The following GRIA1 variants were observed in gnomAD, a reference collection of about 807,000 sequenced individuals.
GRIA1 encodes glutamate receptor 1.
In GRIA1, 31 loss-of-function variants were observed where a neutral mutation model predicts 99.2. The observed-to-expected ratio is 0.31, with a 90% CI of 0.23 to 0.42. The LOEUF is 0.42. Ranked by LOEUF, GRIA1 falls within the 10% of genes least tolerant of loss-of-function variation. The probability of loss-of-function intolerance (pLI) is 1.00; values close to 1 mark genes in which losing one functional copy is unlikely to be tolerated. For synonymous variants in GRIA1, 438 were observed against 432.4 expected (o/e 1.01, Z -0.16); for missense variants, 782 against 1,157.5 (o/e 0.68, Z 4.71).
chr5:153,686,107 C>G, intron 7 of GRIA1, 118 bp from the exon 8 acceptor site: 1 of 774,316 alleles, frequency 1.3e-6, no homozygotes, highest in Non-Finnish European at 2.3e-6. Context: ...ATTCAGGATA[C>G]TCCAAGACAT....
intron 3 of GRIA1, among the ~76,000 whole-genome samples, chr5:153,648,954 T>TA (rs1296963350): frequency 1.3e-5 from 2 of 152,196 alleles, no homozygotes; most frequent in Non-Finnish European, 2.9e-5. Flanking sequence ...TATTGACCTT[T>TA]AATAGGGTAA....
intron 2 of GRIA1, among the ~76,000 whole-genome samples, chr5:153,624,233 A>G (rs939799184): frequency 5.3e-5 from 8 of 152,244 alleles, no homozygotes; most frequent in African/African-American, 1.7e-4. Context: ...GGTCAGAGCT[A>G]TTTGCCATCT....
chr5:153,532,893 G>A (rs1189529345), intron 2 of GRIA1, among the ~76,000 whole-genome samples: 1 of 152,150 alleles, frequency 6.6e-6, no homozygotes, highest in African/African-American at 2.4e-5. Flanking sequence ...CTCTGCATAG[G>A]TGTATGGCAA....
At chr5:153,708,394 A>T (rs2149524184) in intron 11 of GRIA1, among the ~76,000 whole-genome samples, 1 of 152,138 alleles carries the variant, frequency 6.6e-6, no homozygotes, top group South Asian at 2.1e-4. Context: ...CGGACTTCTG[A>T]GGGTTCCACT....
At chr5:153,558,919 T>C (rs1015728448) in intron 2 of GRIA1, among the ~76,000 whole-genome samples, 1 of 152,172 alleles carries the variant, frequency 6.6e-6, no homozygotes, top group Non-Finnish European at 1.5e-5. Context: ...TGTTGGGTTC[T>C]TTAAGCTCTG....
At chr5:153,529,936 C>T (rs1023463208) in intron 2 of GRIA1, among the ~76,000 whole-genome samples, 1 of 152,136 alleles carries the variant, frequency 6.6e-6, no homozygotes, top group Non-Finnish European at 1.5e-5. Context: ...ACCCTGTTCC[C>T]TCATTTTCGA....
chr5:153,524,760 C>A (rs1398970326), intron 2 of GRIA1, among the ~76,000 whole-genome samples: 1 of 152,238 alleles, frequency 6.6e-6, no homozygotes, highest in East Asian at 1.9e-4. Context: ...GGGATTTGTA[C>A]CTTCTTGGCC....
chr5:153,802,328 C>G, intron 14 of GRIA1, 28 bp from the exon 15 acceptor site: 2 of 1,611,672 alleles, frequency 1.2e-6, no homozygotes, highest in African/African-American at 1.3e-5. Flanking sequence ...CTTCCCCCTC[C>G]CCTTCCTTTC....
chr5:153,647,612 A>G (rs1334261707), intron 3 of GRIA1, among the ~76,000 whole-genome samples: 1 of 152,204 alleles, frequency 6.6e-6, no homozygotes, highest in Non-Finnish European at 1.5e-5. Context: ...TGTCTATCTT[A>G]TAAAGGTTTT....
intron 2 of GRIA1, among the ~76,000 whole-genome samples, chr5:153,607,065 A>ATATATATATATATATATATATATGTATG (rs1349350277): frequency 1.0e-4 from 15 of 147,400 alleles, no homozygotes; most frequent in African/African-American, 3.0e-4. Context: ...ATATATATAT[A>ATATATATATATATATATATATATGTATG]TATAATCACA....
intron 2 of GRIA1, among the ~76,000 whole-genome samples, chr5:153,615,606 T>C (rs1766421085): frequency 1.3e-5 from 2 of 152,196 alleles, no homozygotes; most frequent in Admixed American, 1.3e-4. Context: ...ATTGCACCTC[T>C]ACATACCAGC....
chr5:153,696,858 GTGTA>G (rs1052545187), intron 8 of GRIA1, among the ~76,000 whole-genome samples: 14 of 99,008 alleles, frequency 1.4e-4, no homozygotes, highest in African/African-American at 4.4e-4. Flanking sequence ...GCTTTAGGGT[GTGTA>G]TGTGTGTGTG....
intron 11 of GRIA1, among the ~76,000 whole-genome samples, chr5:153,727,726 A>C (rs1307788969): frequency 1.3e-5 from 2 of 152,240 alleles, no homozygotes; most frequent in African/African-American, 4.8e-5. Flanking sequence ...ACTCAAGGAA[A>C]TAAAAGAGGT....
At chr5:153,720,919 A>T (rs2149539752) in intron 11 of GRIA1, among the ~76,000 whole-genome samples, 1 of 152,300 alleles carries the variant, frequency 6.6e-6, no homozygotes, top group African/African-American at 2.4e-5. Flanking sequence ...TAAGACTAAC[A>T]CACATGAAAC....
At chr5:153,546,541 G>T (rs1027811923) in intron 2 of GRIA1, among the ~76,000 whole-genome samples, 4 of 152,136 alleles carry the variant, frequency 2.6e-5, no homozygotes, top group African/African-American at 7.2e-5. Context: ...GAGGCACTGT[G>T]CCCAGGGCTC....
chr5:153,772,264 T>C (rs916700601), intron 13 of GRIA1, among the ~76,000 whole-genome samples: 9 of 152,078 alleles, frequency 5.9e-5, no homozygotes, highest in African/African-American at 2.2e-4. Context: ...AAGATGTTTT[T>C]TTCAAGCTGC....
chr5:153,734,090 G>C (rs1465250009), intron 11 of GRIA1, among the ~76,000 whole-genome samples: 1 of 152,130 alleles, frequency 6.6e-6, no homozygotes, highest in Non-Finnish European at 1.5e-5. Context: ...CTTTCTCTAG[G>C]ATATGATGCC....
chr5:153,650,634 T>C, intron 4 of GRIA1, 120 bp downstream of exon 4: 1 of 833,678 alleles, frequency 1.2e-6, no homozygotes, highest in Non-Finnish European at 1.8e-6. Flanking sequence ...TAGGTGAGAC[T>C]AAAAGACCTC....
intron 13 of GRIA1, among the ~76,000 whole-genome samples, chr5:153,780,327 T>C (rs989419863): frequency 4.6e-5 from 7 of 152,164 alleles, no homozygotes; most frequent in African/African-American, 1.4e-4. Flanking sequence ...GAATTCAAAT[T>C]CTGCCTCCCG....
Sources: allele counts gnomAD v4.1 joint callset (sites outside exome capture counted in the v4.1 genomes callset), GRCh38; gene constraint gnomAD v4.1.1; transcripts MANE v1.5; gene names NCBI Gene and HGNC (gene_info 2026-07-23, HGNC 2026-07-21).